MAP7: variants seen among roughly 807,000 people sequenced by gnomAD.
The protein encoded by MAP7 is microtubule associated protein 7.
MAP7 carries 52 observed loss-of-function variants against 94.8 expected under a neutral mutation model. The ratio of observed to expected loss-of-function variants is 0.55; its 90% CI spans 0.44 to 0.69. The LOEUF is 0.69. Among genes scored for constraint, MAP7 ranks in the 30% least tolerant of loss-of-function variants. The pLI is 0.00. For missense variants in MAP7, 940 were observed against 964.6 expected (o/e 0.97, Z 0.34); for synonymous variants, 350 against 357.0 (o/e 0.98, Z 0.22).
Position 136,383,756 on chromosome 6 carries a change from G to A in MAP7, c.552C>T (p.Thr184=). The A allele has an allele frequency of 6.2e-7, 1 of 1,609,818 alleles. No individual in the cohort carries two copies. The highest frequency in any genetic ancestry group is 8.5e-7 in the Non-Finnish European group (1 of 1,177,162). The change falls in exon 6 of 18, where the codon ACC becomes ACT. Residue 184 remains threonine (T), a synonymous_variant. Coordinates refer to ENST00000354570, the MANE Select transcript of MAP7 (RefSeq NM_003980.6). ...GATCAACATATTTCGAAAGATTCAT[G>A]GTGGAAACTGACCGCCTGTCTGGAT... ...SADPDRRSVS[T]MNLSKYVDPV... is the part of the protein sequence containing the mutation.
At chr6:136,489,401 CT>C (rs1462284468) in intron 1 of MAP7, among the ~76,000 whole-genome samples, 3 of 151,904 alleles carry the variant, frequency 2.0e-5, no homozygotes, top group Non-Finnish European at 4.4e-5. Flanking sequence ...TCCTTTTTTT[CT>C]TTTCCATTCT....
At chr6:136,442,246 T>C (rs1437270401) in intron 1 of MAP7, among the ~76,000 whole-genome samples, 3 of 147,758 alleles carry the variant, frequency 2.0e-5, no homozygotes, top group Non-Finnish European at 4.5e-5. Flanking sequence ...CTACTAAAAA[T>C]ACAAAAAAAT....
intron 2 of MAP7, among the ~76,000 whole-genome samples, chr6:136,418,466 T>C (rs1582855540): frequency 6.6e-6 from 1 of 152,216 alleles, no homozygotes; most frequent in East Asian, 1.9e-4. Context: ...CCACCCGCTT[T>C]GGCCTCCCAA....
At chr6:136,545,102 T>C (rs1829624685) in intron 1 of MAP7, 2 of 152,252 alleles carry the variant, frequency 1.3e-5, no homozygotes, top group African/African-American at 4.8e-5. Context: ...GCCATGCTAA[T>C]GACTGCCTGG....
intron 1 of MAP7, among the ~76,000 whole-genome samples, chr6:136,489,628 A>T (rs774463838): frequency 3.3e-5 from 5 of 150,810 alleles, no homozygotes; most frequent in Non-Finnish European, 5.9e-5. Context: ...CCTGGGTTCA[A>T]GTGAGTCTTG....
intron 1 of MAP7, among the ~76,000 whole-genome samples, chr6:136,539,815 C>CA (rs1829164676): frequency 6.6e-6 from 1 of 152,098 alleles, no homozygotes; most frequent in African/African-American, 2.4e-5. Flanking sequence ...CTCATCTCTA[C>CA]AAAAAATAAA....
rs147328206 is a variant in MAP7, at chr6:136,517,563, G to A, written c.67+32779C>T. 1.3e-4 allele frequency among the ~76,000 whole-genome samples: 20 copies of A among 152,218 alleles called. No individual in the cohort carries two copies. In the East Asian group the frequency reaches 1.5e-3, roughly 12 times the overall value. ...TGCTTGTGTATTCTCTCTAATACCC[G>A]CCAGCACCTGTGAGCATGATTTTAT... On this transcript the variant is annotated intron_variant, in intron 1 of 17. Coordinates refer to ENST00000354570, the MANE Select transcript of MAP7 (RefSeq NM_003980.6).
At chr6:136,354,792 AT>A (rs2128543037) in intron 16 of MAP7, among the ~76,000 whole-genome samples, 1 of 152,334 alleles carries the variant, frequency 6.6e-6, no homozygotes, top group Non-Finnish European at 1.5e-5. Context: ...ACAGAATTTT[AT>A]TATCTGTATC....
intron 1 of MAP7, among the ~76,000 whole-genome samples, chr6:136,434,830 C>T (rs555995445): frequency 8.5e-5 from 13 of 152,330 alleles, no homozygotes; most frequent in African/African-American, 2.9e-4. Context: ...GGCGCCACAA[C>T]CTGGCAAACA....
At chr6:136,507,008 G>A (rs1285431106) in intron 1 of MAP7, among the ~76,000 whole-genome samples, 1 of 152,074 alleles carries the variant, frequency 6.6e-6, no homozygotes, top group Non-Finnish European at 1.5e-5. Flanking sequence ...CCATAAACTT[G>A]TTCTGACCAC....
At chr6:136,406,425 A>G (rs1276355470) in intron 3 of MAP7, among the ~76,000 whole-genome samples, 1 of 152,228 alleles carries the variant, frequency 6.6e-6, no homozygotes, top group Non-Finnish European at 1.5e-5. Context: ...TATCACCCAT[A>G]AACAAAGCAC....
chr6:136,398,963 T>C (rs184374567), intron 3 of MAP7, among the ~76,000 whole-genome samples: 15 of 152,276 alleles, frequency 9.9e-5, no homozygotes, highest in Admixed American at 8.5e-4. Flanking sequence ...CAGGGGAGCA[T>C]ATATTTTACT....
chr6:136,353,878 G>T (rs1789980214), intron 16 of MAP7, among the ~76,000 whole-genome samples: 1 of 152,016 alleles, frequency 6.6e-6, no homozygotes, highest in South Asian at 2.1e-4. Context: ...AGGGGCAAAA[G>T]CATTTAGGTG....
intron 2 of MAP7, chr6:136,420,167 T>A: frequency 1.1e-6 from 1 of 942,390 alleles, no homozygotes; most frequent in East Asian, 2.4e-5. Context: ...ATCTTCATTG[T>A]TATCTGCAGT....
At chr6:136,525,843 C>G in intron 1 of MAP7, 2 of 1,535,048 alleles carry the variant, frequency 1.3e-6, no homozygotes, top group South Asian at 1.2e-5. Context: ...TTTTGGTCTT[C>G]TGGAATTTCC....
intron 1 of MAP7, among the ~76,000 whole-genome samples, chr6:136,518,279 T>A (rs1825437078): frequency 6.6e-6 from 1 of 152,220 alleles, no homozygotes; most frequent in Non-Finnish European, 1.5e-5. Context: ...CTCCTGAACT[T>A]CATTCCCACT....
At position 136,393,978 on chromosome 6, in the gene MAP7, A is replaced by AATTTTTTTTTTTTTTTTTTTTT. The variant is rs1554242697; in HGVS notation, c.245-4462_245-4461insAAAAAAAAAAAAAAAAAAAAAT. Among the ~76,000 whole-genome samples the AATTTTTTTTTTTTTTTTTTTTT allele has an allele frequency of 2.2e-4, 8 of 36,204 alleles. 3 individuals carry two copies. Among genetic ancestry groups the AATTTTTTTTTTTTTTTTTTTTT allele is most frequent in the African/African-American group, 7.4e-5 (1 of 13,474 alleles). 23.8% of individuals were successfully genotyped at this position (36,204 alleles called of 152,430 possible). A position where few individuals can be genotyped will look rare whatever the true frequency, so the allele number is the denominator to read the frequency against. On this transcript the variant is annotated intron_variant, in intron 3 of 17. Coordinates refer to ENST00000354570, the MANE Select transcript of MAP7 (RefSeq NM_003980.6). Reference sequence around the variant, plus strand: ...GTTCTGATATCTCTGCAGCAAAGGTATTTTTTTTTTTTTTTTTTTTTTTGA... The same window carrying AATTTTTTTTTTTTTTTTTTTTT: ...GTTCTGATATCTCTGCAGCAAAGGTAATTTTTTTTTTTTTTTTTTTTTTTTTTTTTTTTTTTTTTTTTTTTGA...
Position 136,361,166 on chromosome 6 carries a change from CCT to C in MAP7, c.1538_1539del (p.Glu513GlyfsTer8). 1.2e-6 allele frequency: 2 copies of C among 1,603,316 alleles called. No homozygotes were observed. Among genetic ancestry groups the C allele is most frequent in the Non-Finnish European group, 8.5e-7 (1 of 1,179,934 alleles). ...TCTTCAGCCACACGTTGAGCCAATT[CCT>C]CTCTCTTTTGTCTGGAAAAAGACAG... ...EQEELERQKR[E>X]ELAQRVAEER... On this transcript the variant is annotated frameshift_variant, in exon 12 of 18. Coordinates refer to ENST00000354570, the MANE Select transcript of MAP7 (RefSeq NM_003980.6). LOFTEE classifies it high-confidence loss of function.
At chr6:136,532,238 G>A (rs901527968) in intron 1 of MAP7, among the ~76,000 whole-genome samples, 6 of 152,158 alleles carry the variant, frequency 3.9e-5, no homozygotes, top group African/African-American at 1.2e-4. Flanking sequence ...GTGCCTAATA[G>A]GAGGACAAGC....
Sources: allele counts gnomAD v4.1 joint callset (sites outside exome capture counted in the v4.1 genomes callset), GRCh38; gene constraint gnomAD v4.1.1; transcripts MANE v1.5; gene names NCBI Gene and HGNC (gene_info 2026-07-23, HGNC 2026-07-21).